Variants in ST3GAL6 observed in about 807,000 individuals in gnomAD.
ST3GAL6 encodes ST3 beta-galactoside alpha-2,3-sialyltransferase 6, also known as type 2 lactosamine alpha-2,3-sialyltransferase.
A neutral mutation model predicts 40.5 loss-of-function variants in ST3GAL6; 31 were observed. The observed-to-expected ratio is 0.77, with a 90% CI of 0.58 to 1.03. ST3GAL6 has a LOEUF of 1.03. Among genes scored for constraint, ST3GAL6 ranks in the 50% least tolerant of loss-of-function variants. The pLI is 0.00. For synonymous variants in ST3GAL6, 129 were observed against 136.9 expected (o/e 0.94, Z 0.40); for missense variants, 357 against 393.2 (o/e 0.91, Z 0.78).
rs927860945 is a variant in ST3GAL6, at chr3:98,795,819, T to G, written c.*2058T>G. On this transcript the variant is annotated 3_prime_UTR_variant, in exon 10 of 10. Coordinates refer to ENST00000483910, the MANE Select transcript of ST3GAL6 (RefSeq NM_001323368.2). The stretch of plus-strand genomic sequence containing the variant: ...ACTCTGCACATGTACCCTTAGAATC[T>G]AAAATAAAAGTTGAAATTATTTTTT... 4.6e-5 allele frequency: 7 copies of G among 152,172 alleles called. No homozygotes were observed. The highest frequency in any genetic ancestry group is 1.7e-4 in the African/African-American group (7 of 41,422). The allele number at this position is 152,172 out of a possible 1,614,324, so 9.4% of individuals were successfully genotyped here. A position where few individuals can be genotyped will look rare whatever the true frequency, so the allele number is the denominator to read the frequency against.
intron 8 of ST3GAL6, among the ~76,000 whole-genome samples, chr3:98,789,359 C>T (rs1941012116): frequency 1.3e-5 from 2 of 152,160 alleles, no homozygotes; most frequent in Admixed American, 6.5e-5. Flanking sequence ...TATTCTCTTC[C>T]CTCTACAACC....
chr3:98,785,829 G>A (rs1449746312), intron 6 of ST3GAL6, among the ~76,000 whole-genome samples: 1 of 152,166 alleles, frequency 6.6e-6, no homozygotes, highest in Non-Finnish European at 1.5e-5. Flanking sequence ...TGCTGTATTC[G>A]GGTATAATAT....
At position 98,794,213 on chromosome 3, in the gene ST3GAL6, TAAG is replaced by T. The variant is rs1467293695; in HGVS notation, c.*453_*455del. On this transcript the variant is annotated 3_prime_UTR_variant, in exon 10 of 10. Transcript: ENST00000483910. Reference sequence around the variant, plus strand: ...CCGAAACCACTTGGCTCTGGAAATCTAAGTTCATACTGGTTTAATTAAGCTCTC... The same window carrying T: ...CCGAAACCACTTGGCTCTGGAAATCTTTCATACTGGTTTAATTAAGCTCTC... 6.6e-6 allele frequency: 1 copy of T among 152,502 alleles called. No individual in the cohort carries two copies. The highest frequency in any genetic ancestry group is 1.5e-5 in the Non-Finnish European group (1 of 68,230). 9.4% of individuals were successfully genotyped at this position (152,502 alleles called of 1,614,324 possible).
chr3:98,755,194 C>A (rs1478998078), intron 1 of ST3GAL6, among the ~76,000 whole-genome samples: 1 of 152,096 alleles, frequency 6.6e-6, no homozygotes, highest in Non-Finnish European at 1.5e-5. Context: ...CTACAGGTGC[C>A]TGCCACCGCG....
At position 98,795,845 on chromosome 3, in the gene ST3GAL6, T is replaced by A. The variant is rs1297985932; in HGVS notation, c.*2084T>A. 1.3e-5 allele frequency: 2 copies of A among 152,276 alleles called. No homozygotes were observed. Among genetic ancestry groups the A allele is most frequent in the Non-Finnish European group, 2.9e-5 (2 of 68,026 alleles). 9.4% of individuals were successfully genotyped at this position (152,276 alleles called of 1,614,324 possible). A position where few individuals can be genotyped will look rare whatever the true frequency, so the allele number is the denominator to read the frequency against. ...AAAATAAAAGTTGAAATTATTTTTT[T>A]AAAAAAAGGATGGCGCTGGTCATAG... On this transcript the variant is annotated 3_prime_UTR_variant, in exon 10 of 10. Transcript: ENST00000483910.
intron 1 of ST3GAL6, 140 bp downstream of exon 1, chr3:98,763,579 T>G: frequency 1.4e-6 from 1 of 731,830 alleles, no homozygotes; most frequent in Non-Finnish European, 2.0e-6. Context: ...CACAAAGATG[T>G]GAGTTACTGA....
intron 8 of ST3GAL6, among the ~76,000 whole-genome samples, chr3:98,791,577 T>A (rs1217556307): frequency 6.6e-6 from 1 of 152,218 alleles, no homozygotes; most frequent in Non-Finnish European, 1.5e-5. Context: ...ATTCTTTCAT[T>A]GGATAGTTGT....
intron 1 of ST3GAL6, among the ~76,000 whole-genome samples, chr3:98,735,387 C>T (rs1935453524): frequency 6.6e-6 from 1 of 152,156 alleles, no homozygotes; most frequent in Non-Finnish European, 1.5e-5. Context: ...TATCCCCAGG[C>T]TGGGCTTTTT....
chr3:98,783,487 A>C, intron 5 of ST3GAL6: 1 of 897,580 alleles, frequency 1.1e-6, no homozygotes, highest in Non-Finnish European at 1.3e-6. Context: ...CTCTGCTGCA[A>C]ATGGACATCA....
At chr3:98,786,665 A>C (rs1357575323) in intron 6 of ST3GAL6, among the ~76,000 whole-genome samples, 1 of 151,872 alleles carries the variant, frequency 6.6e-6, no homozygotes, top group Non-Finnish European at 1.5e-5. Flanking sequence ...TGGCAGTTAG[A>C]GATGGTTATG....
chr3:98,759,392 C>T (rs1302060335), upstream of ST3GAL6, among the ~76,000 whole-genome samples: 1 of 152,030 alleles, frequency 6.6e-6, no homozygotes, highest in Non-Finnish European at 1.5e-5. Flanking sequence ...AACTGAAAAC[C>T]GTAGAGATCA....
intron 6 of ST3GAL6, 146 bp downstream of exon 6, chr3:98,785,186 T>A (rs1440684784): frequency 6.7e-6 from 4 of 595,054 alleles, no homozygotes; most frequent in Non-Finnish European, 1.2e-5. Context: ...GGTTGTTGGC[T>A]AGAGTTAGAC....
At chr3:98,734,696 A>G (rs377656068) in intron 1 of ST3GAL6, among the ~76,000 whole-genome samples, 18 of 152,294 alleles carry the variant, frequency 1.2e-4, no homozygotes, top group Admixed American at 9.8e-4. Context: ...ATAATAATAA[A>G]AAACCTTTGA....
chr3:98,756,974 T>TTCTC (rs61390205), intron 1 of ST3GAL6, among the ~76,000 whole-genome samples: 128 of 152,336 alleles, frequency 8.4e-4, no homozygotes, highest in African/African-American at 3.0e-3. Context: ...TTAATTCCAG[T>TTCTC]TCTCTGTCTT....
intron 5 of ST3GAL6, among the ~76,000 whole-genome samples, chr3:98,774,280 T>A (rs1319686816): frequency 1.3e-5 from 2 of 152,220 alleles, no homozygotes; most frequent in African/African-American, 4.8e-5. Flanking sequence ...AAGAATTAGT[T>A]CACCCCCTGC....
Position 98,793,786 on chromosome 3 carries a change from T to TAACA in ST3GAL6, c.*26_*29dup. 4 of 1,451,608 alleles carry TAACA rather than the reference T, an allele frequency of 2.8e-6. No individual in the cohort carries two copies. The highest frequency in any genetic ancestry group is 3.8e-6 in the Non-Finnish European group (4 of 1,061,684). The allele number at this position is 1,451,608 out of a possible 1,614,324, so 89.9% of individuals were successfully genotyped here. ...ACTCTACAGACTCAGAAGATGATGCTAACAGTGTTAGTTTTATTTTTGTAC... is the reference window on the plus strand; with the variant it reads ...ACTCTACAGACTCAGAAGATGATGCTAACAAACAGTGTTAGTTTTATTTTTGTAC... On this transcript the variant is annotated 3_prime_UTR_variant, in exon 10 of 10. Coordinates refer to ENST00000483910, the MANE Select transcript of ST3GAL6 (RefSeq NM_001323368.2).
At chr3:98,754,190 C>T (rs1055049282) in intron 1 of ST3GAL6, among the ~76,000 whole-genome samples, 10 of 152,120 alleles carry the variant, frequency 6.6e-5, no homozygotes, top group Non-Finnish European at 1.3e-4. Flanking sequence ...AAGAATTCAC[C>T]ATTCTATATG....
chr3:98,763,733 TAA>T (rs1156871943), intron 1 of ST3GAL6, among the ~76,000 whole-genome samples: 17 of 100,130 alleles, frequency 1.7e-4, no homozygotes, highest in Admixed American at 4.3e-4. Flanking sequence ...TCCTAGTGAC[TAA>T]AAAAAAAAAA....
At chr3:98,755,201 C>T (rs367700096) in intron 1 of ST3GAL6, among the ~76,000 whole-genome samples, 6 of 152,234 alleles carry the variant, frequency 3.9e-5, no homozygotes, top group African/African-American at 1.2e-4. Flanking sequence ...TGCCTGCCAC[C>T]GCGCCTGACT....
Sources: gnomAD v4.1 joint callset for allele counts (sites outside exome capture counted in the v4.1 genomes callset) on GRCh38, gnomAD v4.1.1 for gene constraint, MANE v1.5 for transcripts, NCBI Gene and HGNC (gene_info 2026-07-23, HGNC 2026-07-21) for gene names.